ANKRD55: variants seen among roughly 807,000 people sequenced by gnomAD.
The protein encoded by ANKRD55 is ankyrin repeat domain-containing protein 55.
Under a neutral mutation model 60.6 loss-of-function variants are expected in ANKRD55, and 41 were observed. The ratio of observed to expected loss-of-function variants is 0.68; its 90% CI spans 0.53 to 0.88. The LOEUF is 0.88. ANKRD55 is among the 40% of genes least tolerant of loss of function. The probability of loss-of-function intolerance (pLI) is 0.00; values close to 1 mark genes in which losing one functional copy is unlikely to be tolerated. For synonymous variants in ANKRD55, 264 were observed against 290.3 expected, an observed-to-expected ratio of 0.91 and a Z score of 0.92; for missense variants, 732 against 767.6, an observed-to-expected ratio of 0.95 and a Z score of 0.55.
chr5:56,220,138 G>A (rs1207533651), intron 2 of ANKRD55, among the ~76,000 whole-genome samples: 1 of 152,186 alleles, frequency 6.6e-6, no homozygotes, highest in Non-Finnish European at 1.5e-5. Flanking sequence ...TATTCTCTCC[G>A]GATACCACTC....
intron 7 of ANKRD55, among the ~76,000 whole-genome samples, chr5:56,129,208 GAGACACT>G (rs1363789069): frequency 6.6e-6 from 1 of 152,140 alleles, no homozygotes; most frequent in African/African-American, 2.4e-5. Context: ...CAGAGACCAG[GAGACACT>G]AGACAAGAAG....
At chr5:56,124,580 T>C (rs1261917518) in intron 8 of ANKRD55, among the ~76,000 whole-genome samples, 2 of 152,152 alleles carry the variant, frequency 1.3e-5, no homozygotes, top group Non-Finnish European at 2.9e-5. Context: ...CAATCTCAGC[T>C]CACTGCAACC....
intron 2 of ANKRD55, among the ~76,000 whole-genome samples, chr5:56,184,010 C>G (rs1183810873): frequency 6.6e-6 from 1 of 152,188 alleles, no homozygotes; most frequent in African/African-American, 2.4e-5. Context: ...CTCCCAATAA[C>G]TCAGTTTACT....
chr5:56,163,104 C>G (rs1329635672), intron 5 of ANKRD55, among the ~76,000 whole-genome samples: 1 of 152,162 alleles, frequency 6.6e-6, no homozygotes, highest in Non-Finnish European at 1.5e-5. Flanking sequence ...TGTGAAGTCT[C>G]TGAGATCCAT....
At chr5:56,206,193 T>C (rs918355982) in intron 2 of ANKRD55, among the ~76,000 whole-genome samples, 1 of 151,926 alleles carries the variant, frequency 6.6e-6, no homozygotes, top group Non-Finnish European at 1.5e-5. Context: ...GCCAGGCTGG[T>C]CTCAAACTCC....
intron 2 of ANKRD55, among the ~76,000 whole-genome samples, chr5:56,229,625 G>C (rs1760200920): frequency 6.6e-6 from 1 of 152,166 alleles, no homozygotes; most frequent in Non-Finnish European, 1.5e-5. Context: ...CCAAGACCCT[G>C]GCATGCCTCG....
intron 9 of ANKRD55, 77 bp from the exon 10 acceptor site, chr5:56,111,859 C>A (rs2111677058): frequency 2.3e-6 from 3 of 1,320,546 alleles, no homozygotes; most frequent in East Asian, 5.0e-5. Flanking sequence ...TACCGACCCC[C>A]TATTCCACAT....
intron 3 of ANKRD55, among the ~76,000 whole-genome samples, chr5:56,177,872 A>G (rs1477652787): frequency 6.6e-6 from 1 of 152,186 alleles, no homozygotes; most frequent in Non-Finnish European, 1.5e-5. Flanking sequence ...ATCTATCTTG[A>G]GAGCCTAGCT....
At chr5:56,222,910 C>G (rs2111891923) in intron 2 of ANKRD55, among the ~76,000 whole-genome samples, 1 of 152,274 alleles carries the variant, frequency 6.6e-6, no homozygotes, top group East Asian at 1.9e-4. Context: ...GAGAATGGAA[C>G]CAAGTTGGAA....
chr5:56,181,587 A>T (rs1208407670), intron 3 of ANKRD55, among the ~76,000 whole-genome samples: 1 of 142,692 alleles, frequency 7.0e-6, no homozygotes, highest in Non-Finnish European at 1.5e-5. Flanking sequence ...ATGGTGTATG[A>T]TATTCTTTTT....
intron 8 of ANKRD55, among the ~76,000 whole-genome samples, chr5:56,120,657 T>C (rs1275046544): frequency 2.0e-5 from 3 of 152,046 alleles, no homozygotes; most frequent in African/African-American, 7.2e-5. Flanking sequence ...CCCACCACTT[T>C]GGGAGGCCAA....
intron 3 of ANKRD55, among the ~76,000 whole-genome samples, chr5:56,178,751 G>T (rs1758792814): frequency 1.4e-5 from 2 of 138,374 alleles, no homozygotes; most frequent in Admixed American, 1.4e-4. Context: ...GTTTATGAAG[G>T]AAAAGACTCA....
intron 8 of ANKRD55, among the ~76,000 whole-genome samples, chr5:56,124,771 G>C (rs554671658): frequency 6.6e-6 from 1 of 152,310 alleles, no homozygotes; most frequent in South Asian, 2.1e-4. Context: ...CTCCCAAAGT[G>C]CTGGGATTAT....
At position 56,232,852 on chromosome 5, in the gene ANKRD55, T is replaced by C; in HGVS notation, c.58+4A>G. The C allele has an allele frequency of 6.2e-7, 1 of 1,613,894 alleles. No individual in the cohort carries two copies. Among genetic ancestry groups the C allele is most frequent in the Non-Finnish European group, 8.5e-7 (1 of 1,179,796 alleles). ...CCAAAGAATGTGTTAAAGCAGCATT[T>C]TACCTCTTTGCTGATCAAACACAGA... is the stretch of plus-strand genomic sequence containing the variant. On this transcript the variant is annotated splice_donor_region_variant and intron_variant, in intron 2 of 11. Transcript: ENST00000341048.
intron 8 of ANKRD55, among the ~76,000 whole-genome samples, chr5:56,123,219 C>T (rs772735879): frequency 6.6e-6 from 1 of 152,050 alleles, no homozygotes; most frequent in Non-Finnish European, 1.5e-5. Context: ...TCTGAGAGGG[C>T]CAGGTGGTCT....
intron 11 of ANKRD55, among the ~76,000 whole-genome samples, chr5:56,100,812 A>T (rs1756249451): frequency 6.6e-6 from 1 of 152,222 alleles, no homozygotes; most frequent in Non-Finnish European, 1.5e-5. Flanking sequence ...GGGCCCTGCC[A>T]AAGAAAACCT....
At chr5:56,211,009 G>A (rs1013980564) in intron 2 of ANKRD55, among the ~76,000 whole-genome samples, 31 of 152,104 alleles carry the variant, frequency 2.0e-4, no homozygotes, top group African/African-American at 6.3e-4. Context: ...CTTGGGGAGC[G>A]GGGACCCCAG....
intron 10 of ANKRD55, among the ~76,000 whole-genome samples, chr5:56,106,569 G>A (rs928427670): frequency 4.0e-5 from 6 of 151,682 alleles, no homozygotes; most frequent in Admixed American, 2.0e-4. Context: ...GACTACAGGC[G>A]CCCGCCACCA....
intron 6 of ANKRD55, among the ~76,000 whole-genome samples, chr5:56,149,217 T>G (rs10057763): frequency 0.27 from 41,595 of 152,070 alleles, 5,780 homozygotes; most frequent in Admixed American, 0.3. Flanking sequence ...ACTGAGTAGA[T>G]AGACGGTGAG....
Sources: gnomAD v4.1 joint callset for allele counts (sites outside exome capture counted in the v4.1 genomes callset) on GRCh38, gnomAD v4.1.1 for gene constraint, MANE v1.5 for transcripts, NCBI Gene and HGNC (gene_info 2026-07-23, HGNC 2026-07-21) for gene names.